The following ERC1 variants were observed in gnomAD, a reference collection of about 807,000 sequenced individuals.
ERC1 encodes the protein ELKS/RAB6-interacting/CAST family member 1.
A neutral mutation model predicts 132.0 loss-of-function variants in ERC1; 56 were observed. The ratio of observed to expected loss-of-function variants is 0.42; its 90% CI spans 0.34 to 0.53. ERC1 has a LOEUF of 0.53. ERC1 is among the 20% of genes least tolerant of loss of function. The pLI is 0.03. For synonymous variants in ERC1, 478 were observed against 476.1 expected, an observed-to-expected ratio of 1.00 and a Z score of -0.05; for missense variants, 1,202 against 1,349.9, an observed-to-expected ratio of 0.89 and a Z score of 1.72.
At chr12:1,269,258 T>TA (rs1325450599) in intron 14 of ERC1, among the ~76,000 whole-genome samples, 4 of 152,156 alleles carry the variant, frequency 2.6e-5, no homozygotes, top group African/African-American at 9.7e-5. Context: ...TTTTCAGAAA[T>TA]ACACAATAAT....
intron 16 of ERC1, among the ~76,000 whole-genome samples, chr12:1,407,378 A>G (rs2091568122): frequency 6.6e-6 from 1 of 152,034 alleles, no homozygotes; most frequent in African/African-American, 2.4e-5. Flanking sequence ...TTTTATTGAG[A>G]CCCTGTCTCT....
intron 8 of ERC1, among the ~76,000 whole-genome samples, chr12:1,159,233 A>G (rs960535589): frequency 3.3e-5 from 5 of 151,980 alleles, no homozygotes; most frequent in South Asian, 2.1e-4. Flanking sequence ...GTGGAATACA[A>G]TTTTTCCACA....
intron 10 of ERC1, among the ~76,000 whole-genome samples, chr12:1,183,071 A>G (rs1295337765): frequency 1.3e-5 from 2 of 152,230 alleles, no homozygotes; most frequent in East Asian, 1.9e-4. Flanking sequence ...TCACTGTTCA[A>G]TGGGTATTTC....
At chr12:1,127,253 G>A (rs561775801) in intron 7 of ERC1, among the ~76,000 whole-genome samples, 19 of 152,232 alleles carry the variant, frequency 1.2e-4, no homozygotes, top group Non-Finnish European at 1.5e-4. Flanking sequence ...CACAAATGAC[G>A]TAGGTGGTTT....
Position 1,495,328 on chromosome 12 carries a change from C to G in ERC1, c.*5098C>G, listed in dbSNP as rs552803119. ...TCTGGCTTCAGGCCCTCAATTATTT[C>G]CCTTTGAGCTTTTTTAGACCCTAGA... On this transcript the variant is annotated 3_prime_UTR_variant, in exon 19 of 19. Transcript: ENST00000360905. The G allele has an allele frequency of 1.8e-5, 4 of 228,358 alleles. No individual in the cohort carries two copies. The highest frequency in any genetic ancestry group is 8.9e-5 in the African/African-American group (4 of 45,114). 14.1% of individuals were successfully genotyped at this position (228,358 alleles called of 1,614,324 possible). A position where few individuals can be genotyped will look rare whatever the true frequency, so the allele number is the denominator to read the frequency against.
Position 1,447,548 on chromosome 12 carries a change from A to C in ERC1, c.3213+2798A>C, listed in dbSNP as rs867425624. ...AACAAACAGCAACAACAACAACAAA[A>C]AAAAAAAAACCCAGTGCTTATTAAT... On this transcript the variant is annotated intron_variant, in intron 18 of 18. Coordinates refer to ENST00000360905, the MANE Select transcript of ERC1 (RefSeq NM_178040.4). Among the ~76,000 whole-genome samples the C allele has an allele frequency of 5.1e-4, 77 of 150,344 alleles. 1 individual carries two copies. In the South Asian group the frequency reaches 0.015, roughly 30 times the overall value.
At chr12:1,448,437 G>C (rs1277468913) in intron 18 of ERC1, among the ~76,000 whole-genome samples, 1 of 152,218 alleles carries the variant, frequency 6.6e-6, no homozygotes, top group Non-Finnish European at 1.5e-5. Context: ...ATTTAAGGAA[G>C]TAATGTAGGC....
chr12:1,426,867 C>T (rs1476857760), intron 17 of ERC1, among the ~76,000 whole-genome samples: 1 of 152,132 alleles, frequency 6.6e-6, no homozygotes, highest in Non-Finnish European at 1.5e-5. Flanking sequence ...CCATCTTCCA[C>T]CTTTTTCGTA....
intron 2 of ERC1, among the ~76,000 whole-genome samples, chr12:1,078,062 A>G (rs1221262185): frequency 1.3e-5 from 2 of 152,198 alleles, no homozygotes; most frequent in Non-Finnish European, 2.9e-5. Flanking sequence ...TTTCTTTACC[A>G]AAATAGTAAT....
intron 13 of ERC1, among the ~76,000 whole-genome samples, chr12:1,251,082 T>G (rs988705189): frequency 1.3e-5 from 2 of 152,338 alleles, no homozygotes; most frequent in Admixed American, 1.3e-4. Flanking sequence ...GATTTAACTC[T>G]GTCTACAAAA....
At chr12:1,355,706 G>A (rs1023479241) in intron 15 of ERC1, among the ~76,000 whole-genome samples, 80 of 152,108 alleles carry the variant, frequency 5.3e-4, no homozygotes, top group African/African-American at 1.9e-3. Flanking sequence ...TGCTCTGATC[G>A]TCAGCTCCAA....
chr12:1,057,488 G>T (rs1973185693), intron 2 of ERC1, among the ~76,000 whole-genome samples: 1 of 151,806 alleles, frequency 6.6e-6, no homozygotes. Context: ...TAGAACAGGG[G>T]CTGGCCTGCA....
intron 2 of ERC1, among the ~76,000 whole-genome samples, chr12:1,057,487 G>A (rs1054113509): frequency 6.6e-6 from 1 of 151,836 alleles, no homozygotes; most frequent in African/African-American, 2.4e-5. Flanking sequence ...ATAGAACAGG[G>A]GCTGGCCTGC....
At chr12:1,308,273 A>G (rs924329760) in intron 15 of ERC1, among the ~76,000 whole-genome samples, 2 of 152,082 alleles carry the variant, frequency 1.3e-5, no homozygotes, top group African/African-American at 2.4e-5. Context: ...CAAATTTCCT[A>G]TGAATCCCAG....
chr12:1,196,139 G>T (rs1956205554), intron 12 of ERC1, among the ~76,000 whole-genome samples: 1 of 152,130 alleles, frequency 6.6e-6, no homozygotes, highest in African/African-American at 2.4e-5. Flanking sequence ...GAAGGTAATA[G>T]TTAAACCAGT....
chr12:1,261,945 G>C (rs1308293136), intron 13 of ERC1, among the ~76,000 whole-genome samples: 1 of 152,124 alleles, frequency 6.6e-6, no homozygotes, highest in Non-Finnish European at 1.5e-5. Context: ...CTTCCAAAGT[G>C]GGGAGAAAAA....
At chr12:1,452,373 CT>C (rs1266175846) in intron 18 of ERC1, among the ~76,000 whole-genome samples, 7 of 151,968 alleles carry the variant, frequency 4.6e-5, no homozygotes, top group Non-Finnish European at 1.0e-4. Flanking sequence ...TTCTCTTTAT[CT>C]TTAGTTTTCA....
chr12:1,110,387 G>T, intron 5 of ERC1, 40 bp downstream of exon 5: 1 of 1,531,118 alleles, frequency 6.5e-7, no homozygotes, highest in South Asian at 1.2e-5. Flanking sequence ...AAAGGAGTTT[G>T]AAAAATTGAT....
intron 17 of ERC1, among the ~76,000 whole-genome samples, chr12:1,413,607 G>T (rs1466272190): frequency 6.6e-6 from 1 of 150,678 alleles, no homozygotes; most frequent in Non-Finnish European, 1.5e-5. Context: ...AAAAGAAAAG[G>T]TAAAAAAAAA....
Sources: gnomAD v4.1 joint callset for allele counts (sites outside exome capture counted in the v4.1 genomes callset) on GRCh38, gnomAD v4.1.1 for gene constraint, MANE v1.5 for transcripts, NCBI Gene and HGNC (gene_info 2026-07-23, HGNC 2026-07-21) for gene names.